GRB10: variants seen among roughly 807,000 people sequenced by gnomAD.
The protein encoded by GRB10 is growth factor receptor bound protein 10.
GRB10 carries 20 observed loss-of-function variants against 80.9 expected under a neutral mutation model. The observed-to-expected ratio is 0.25, with a 90% CI of 0.17 to 0.36. GRB10 has a LOEUF of 0.36. Ranked by LOEUF, GRB10 falls within the 10% of genes least tolerant of loss-of-function variation. GRB10 has a pLI of 1.00. For synonymous variants in GRB10, 291 were observed against 291.5 expected (o/e 1.00, Z 0.02); for missense variants, 548 against 747.7 (o/e 0.73, Z 3.12).
At chr7:50,615,664 G>T (rs1420246066) in intron 11 of GRB10, among the ~76,000 whole-genome samples, 1 of 152,144 alleles carries the variant, frequency 6.6e-6, no homozygotes, top group African/African-American at 2.4e-5. Context: ...CCTGCCACAG[G>T]GTATATGTGG....
chr7:50,685,238 A>G (rs1401155576), intron 5 of GRB10, among the ~76,000 whole-genome samples: 2 of 152,224 alleles, frequency 1.3e-5, no homozygotes, highest in African/African-American at 4.8e-5. Context: ...AACAAAACAG[A>G]GACAAATCCC....
intron 4 of GRB10, among the ~76,000 whole-genome samples, chr7:50,709,370 C>G (rs2065514035): frequency 6.6e-6 from 1 of 152,228 alleles, no homozygotes; most frequent in Non-Finnish European, 1.5e-5. Context: ...CCTCTGGCCC[C>G]CAGTGGTGGG....
At chr7:50,675,833 G>T (rs73116898) in intron 5 of GRB10, among the ~76,000 whole-genome samples, 45 of 152,184 alleles carry the variant, frequency 3.0e-4, no homozygotes, top group Admixed American at 1.6e-3. Context: ...GGGGTGGGAC[G>T]GGGAAAGGGA....
chr7:50,718,146 C>T (rs945981393), intron 4 of GRB10, among the ~76,000 whole-genome samples: 119 of 152,290 alleles, frequency 7.8e-4, no homozygotes, highest in African/African-American at 2.8e-3. Flanking sequence ...GAACTGTGTC[C>T]AGCAGGAAGG....
chr7:50,758,219 C>A (rs1432457170), intron 2 of GRB10, among the ~76,000 whole-genome samples: 1 of 152,174 alleles, frequency 6.6e-6, no homozygotes, highest in Non-Finnish European at 1.5e-5. Context: ...CTGGCACCGA[C>A]ACCCAGACCA....
At chr7:50,641,838 T>C (rs1030458367) in intron 7 of GRB10, among the ~76,000 whole-genome samples, 1 of 152,154 alleles carries the variant, frequency 6.6e-6, no homozygotes, top group Admixed American at 6.5e-5. Context: ...TGATGCTCAG[T>C]GGCCTGAGGA....
At chr7:50,640,593 T>C (rs1337673820) in intron 7 of GRB10, among the ~76,000 whole-genome samples, 1 of 152,232 alleles carries the variant, frequency 6.6e-6, no homozygotes, top group South Asian at 2.1e-4. Context: ...GAGTCAGACA[T>C]TGCTACAAAA....
intron 5 of GRB10, among the ~76,000 whole-genome samples, chr7:50,698,203 C>A (rs1413406335): frequency 6.6e-6 from 1 of 152,160 alleles, no homozygotes; most frequent in Non-Finnish European, 1.5e-5. Context: ...TAATACTCTG[C>A]ATGTTACATG....
At chr7:50,706,117 GAAAATTAGCCTAAATC>G (rs555929605) in intron 4 of GRB10, among the ~76,000 whole-genome samples, 35 of 152,334 alleles carry the variant, frequency 2.3e-4, no homozygotes, top group African/African-American at 8.2e-4. Context: ...AGAGTAGATA[GAAAATTAGCCTAAATC>G]ATACAACAGT....
chr7:50,644,150 A>C (rs1466385458), intron 7 of GRB10, among the ~76,000 whole-genome samples: 2 of 152,158 alleles, frequency 1.3e-5, no homozygotes, highest in East Asian at 3.9e-4. Context: ...CCGGATATTT[A>C]TGTCCAAAAC....
chr7:50,592,646 C>A lies in GRB10; in HGVS notation c.*306G>T. 2.2e-6 allele frequency: 1 copy of A among 449,958 alleles called. No homozygotes were observed. Among genetic ancestry groups the A allele is most frequent in the South Asian group, 2.3e-5 (1 of 43,240 alleles). 27.9% of individuals were successfully genotyped at this position (449,958 alleles called of 1,614,324 possible). ...GAGTTCATTTCCAATCACTTCTCTC[C>A]GGTTCTTGTTCCTAAGCGGCCCAAG... On this transcript the variant is annotated 3_prime_UTR_variant, in exon 19 of 19. Coordinates refer to ENST00000401949, the MANE Select transcript of GRB10 (RefSeq NM_001350814.2).
At chr7:50,789,078 A>C (rs1466744139) in intron 1 of GRB10, among the ~76,000 whole-genome samples, 2 of 152,254 alleles carry the variant, frequency 1.3e-5, no homozygotes, top group Non-Finnish European at 2.9e-5. Flanking sequence ...CTTTGCTCTT[A>C]GAATTCTACC....
intron 7 of GRB10, among the ~76,000 whole-genome samples, chr7:50,642,324 A>G (rs2056405720): frequency 6.6e-6 from 1 of 151,940 alleles, no homozygotes; most frequent in African/African-American, 2.4e-5. Context: ...ACATACAAAC[A>G]CATGCACATA....
At chr7:50,682,479 C>T (rs913459005) in intron 5 of GRB10, among the ~76,000 whole-genome samples, 5 of 152,172 alleles carry the variant, frequency 3.3e-5, no homozygotes, top group Non-Finnish European at 5.9e-5. Flanking sequence ...GGATTGGTAA[C>T]CGTATTTGAA....
At chr7:50,663,296 C>T (rs2059462246) in intron 7 of GRB10, among the ~76,000 whole-genome samples, 1 of 152,196 alleles carries the variant, frequency 6.6e-6, no homozygotes, top group African/African-American at 2.4e-5. Flanking sequence ...CCTCCCTGTA[C>T]CTCTCTGGCC....
intron 14 of GRB10, among the ~76,000 whole-genome samples, chr7:50,606,099 C>T (rs908516413): frequency 9.8e-5 from 15 of 152,334 alleles, no homozygotes; most frequent in African/African-American, 3.1e-4. Context: ...CACCTACTTA[C>T]ACAACCCTGA....
At chr7:50,717,314 GTTA>G (rs1429736154) in intron 4 of GRB10, among the ~76,000 whole-genome samples, 1 of 152,190 alleles carries the variant, frequency 6.6e-6, no homozygotes, top group African/African-American at 2.4e-5. Flanking sequence ...CAATAGTCTG[GTTA>G]CTGCTCCAGC....
intron 4 of GRB10, among the ~76,000 whole-genome samples, chr7:50,731,297 A>C (rs921943269): frequency 2.0e-5 from 3 of 150,902 alleles, no homozygotes; most frequent in Non-Finnish European, 4.4e-5. Flanking sequence ...GGCTTGCTTC[A>C]CTTAGATACC....
chr7:50,609,636 T>C (rs2049153841), intron 13 of GRB10, among the ~76,000 whole-genome samples: 1 of 152,256 alleles, frequency 6.6e-6, no homozygotes, highest in Non-Finnish European at 1.5e-5. Context: ...CAATCAGTAC[T>C]AGGGACTCTT....
Sources: allele counts gnomAD v4.1 joint callset (sites outside exome capture counted in the v4.1 genomes callset), GRCh38; gene constraint gnomAD v4.1.1; transcripts MANE v1.5; gene names NCBI Gene and HGNC (gene_info 2026-07-23, HGNC 2026-07-21).